The following MCTP2 variants were observed in gnomAD, a reference collection of about 807,000 sequenced individuals.
The protein encoded by MCTP2 is multiple C2 and transmembrane domain containing 2.
In MCTP2, 132 loss-of-function variants were observed where a neutral mutation model predicts 111.6. The ratio of observed to expected loss-of-function variants is 1.18; its 90% CI spans 1.03 to 1.37. The LOEUF (loss-of-function observed/expected upper bound fraction) is 1.37. Among genes scored for constraint, MCTP2 ranks in the 40% most tolerant of loss-of-function variants. The pLI is 0.00. For missense variants in MCTP2, 1,183 were observed against 1,067.9 expected, an observed-to-expected ratio of 1.11 and a Z score of -1.50; for synonymous variants, 395 against 387.7, an observed-to-expected ratio of 1.02 and a Z score of -0.22.
intron 1 of MCTP2, among the ~76,000 whole-genome samples, chr15:94,256,085 C>G (rs967641617): frequency 6.6e-6 from 1 of 152,092 alleles, no homozygotes; most frequent in Non-Finnish European, 1.5e-5. Context: ...CAAAATGTTG[C>G]AAAATCCAAA....
At chr15:94,326,513 T>G (rs2076878298) in intron 4 of MCTP2, among the ~76,000 whole-genome samples, 1 of 152,162 alleles carries the variant, frequency 6.6e-6, no homozygotes, top group Non-Finnish European at 1.5e-5. Context: ...CCTACTGGTG[T>G]GTGAAAGTGG....
chr15:94,433,101 C>G lies in MCTP2; in HGVS notation c.2086-7075C>G, dbSNP rs377012093. On this transcript the variant is annotated intron_variant, in intron 17 of 22. Transcript: ENST00000357742. Reference sequence around the variant, plus strand: ...ACATAGGGGATTTGTTAGATTTGTTCAAGTGTCTATGGCAATGCTAGCTAA... The same window carrying G: ...ACATAGGGGATTTGTTAGATTTGTTGAAGTGTCTATGGCAATGCTAGCTAA... Among the ~76,000 whole-genome samples the G allele has an allele frequency of 4.6e-5, 6 of 131,640 alleles. No homozygotes were observed. In the East Asian group the frequency reaches 1.6e-3, roughly 36 times the overall value. 86.4% of individuals were successfully genotyped at this position (131,640 alleles called of 152,430 possible).
chr15:94,243,330 CG>C (rs2071235031), intron 1 of MCTP2, among the ~76,000 whole-genome samples: 1 of 139,276 alleles, frequency 7.2e-6, no homozygotes, highest in African/African-American at 2.7e-5. Context: ...CATACGTATG[CG>C]TATATGCGTA....
At chr15:94,320,441 C>A (rs905268770) in intron 4 of MCTP2, among the ~76,000 whole-genome samples, 3 of 152,084 alleles carry the variant, frequency 2.0e-5, no homozygotes, top group African/African-American at 7.2e-5. Flanking sequence ...GCGCCTGGCC[C>A]TAGTTTATTA....
chr15:94,477,765 CT>C (rs1207139672), intron 22 of MCTP2, among the ~76,000 whole-genome samples: 1 of 152,140 alleles, frequency 6.6e-6, no homozygotes, highest in Non-Finnish European at 1.5e-5. Flanking sequence ...TTAAAATGGA[CT>C]CTGTGATGCT....
chr15:94,446,893 A>G (rs1254492741), intron 19 of MCTP2, among the ~76,000 whole-genome samples: 1 of 152,260 alleles, frequency 6.6e-6, no homozygotes. Context: ...TATCAGTTGT[A>G]GATGAAAAAC....
rs897554404 is a variant in MCTP2, at chr15:94,340,737, A to G, written c.858-76A>G. The G allele has an allele frequency of 4.8e-6, 4 of 839,950 alleles. No homozygotes were observed. In the Admixed American group the frequency reaches 1.0e-4, roughly 22 times the overall value. The allele number at this position is 839,950 out of a possible 1,614,324, so 52.0% of individuals were successfully genotyped here. ...TATTCAGAGGTAGGAGACTTTTACC[A>G]TAAGCTCCTGATGCGTGTAGGTCAA... is the stretch of plus-strand genomic sequence containing the variant. On this transcript the variant is annotated intron_variant, in intron 6 of 22. Transcript: ENST00000357742.
intron 1 of MCTP2, among the ~76,000 whole-genome samples, chr15:94,277,074 T>C (rs2074256305): frequency 6.6e-6 from 1 of 151,580 alleles, no homozygotes; most frequent in South Asian, 2.1e-4. Context: ...ATTATTGGAG[T>C]GAAAAATGAT....
chr15:94,245,443 C>G (rs1261853520), intron 1 of MCTP2, among the ~76,000 whole-genome samples: 1 of 132,054 alleles, frequency 7.6e-6, no homozygotes, highest in Non-Finnish European at 1.6e-5. Context: ...TATATATACA[C>G]ATATATGTAT....
At chr15:94,471,505 C>T (rs1049611483) in intron 21 of MCTP2, among the ~76,000 whole-genome samples, 3 of 152,038 alleles carry the variant, frequency 2.0e-5, no homozygotes, top group Non-Finnish European at 2.9e-5. Flanking sequence ...GAAAAAGTCA[C>T]GGGAAAAATA....
chr15:94,339,142 T>C, intron 4 of MCTP2, 148 bp from the exon 5 acceptor site: 1 of 522,260 alleles, frequency 1.9e-6, no homozygotes, highest in Non-Finnish European at 3.3e-6. Flanking sequence ...AATTCTTTCA[T>C]ATCTCCCTGT....
intron 19 of MCTP2, among the ~76,000 whole-genome samples, chr15:94,448,389 G>A (rs2084251394): frequency 6.6e-6 from 1 of 152,156 alleles, no homozygotes; most frequent in South Asian, 2.1e-4. Flanking sequence ...TGAATTACCT[G>A]TCCTTCTCTT....
At chr15:94,405,486 C>A (rs1030025311) in intron 17 of MCTP2, among the ~76,000 whole-genome samples, 1 of 152,178 alleles carries the variant, frequency 6.6e-6, no homozygotes, top group African/African-American at 2.4e-5. Flanking sequence ...CGCATGGTGT[C>A]TCGTCAGAAG....
intron 1 of MCTP2, among the ~76,000 whole-genome samples, chr15:94,258,701 T>G (rs1175498937): frequency 6.6e-6 from 1 of 152,230 alleles, no homozygotes; most frequent in African/African-American, 2.4e-5. Flanking sequence ...TGGTTTGCAT[T>G]ATGTTCATTA....
At chr15:94,350,307 G>T (rs2078234492) in intron 8 of MCTP2, among the ~76,000 whole-genome samples, 1 of 152,226 alleles carries the variant, frequency 6.6e-6, no homozygotes, top group Non-Finnish European at 1.5e-5. Flanking sequence ...GGCATCCGGG[G>T]CTGGGCACGG....
chr15:94,318,419 G>A (rs967975903), intron 4 of MCTP2, among the ~76,000 whole-genome samples: 18 of 152,052 alleles, frequency 1.2e-4, no homozygotes, highest in Admixed American at 1.0e-3. Flanking sequence ...AAATAGCTGG[G>A]ATTACAGGCA....
chr15:94,435,780 C>T (rs1483881167), intron 17 of MCTP2, among the ~76,000 whole-genome samples: 2 of 139,890 alleles, frequency 1.4e-5, no homozygotes, highest in African/African-American at 5.1e-5. Context: ...TACAGGCGCC[C>T]GCCACTACAC....
intron 19 of MCTP2, among the ~76,000 whole-genome samples, chr15:94,456,462 A>G (rs2084842822): frequency 1.3e-5 from 2 of 152,204 alleles, no homozygotes; most frequent in African/African-American, 4.8e-5. Flanking sequence ...CCTTTGGGTC[A>G]AATTCCCTCA....
chr15:94,432,397 T>C (rs2083240965), intron 17 of MCTP2, among the ~76,000 whole-genome samples: 1 of 152,180 alleles, frequency 6.6e-6, no homozygotes, highest in Non-Finnish European at 1.5e-5. Context: ...TTTAATGTAC[T>C]TATGTCATCT....
Sources: allele counts gnomAD v4.1 joint callset (sites outside exome capture counted in the v4.1 genomes callset), GRCh38; gene constraint gnomAD v4.1.1; transcripts MANE v1.5; gene names NCBI Gene and HGNC (gene_info 2026-07-23, HGNC 2026-07-21).